The following SPHKAP variants were observed in gnomAD, a reference collection of about 807,000 sequenced individuals.
The protein encoded by SPHKAP is A-kinase anchor protein SPHKAP.
Under a neutral mutation model 137.5 loss-of-function variants are expected in SPHKAP, and 67 were observed. That is an observed-to-expected ratio of 0.49 (90% CI 0.40 to 0.60). The LOEUF is 0.60. Among genes scored for constraint, SPHKAP ranks in the 20% least tolerant of loss-of-function variants. The pLI is 0.00. For synonymous variants in SPHKAP, 813 were observed against 785.3 expected (o/e 1.04, Z -0.59); for missense variants, 2,097 against 2,069.3 (o/e 1.01, Z -0.26).
At chr2:228,129,740 A>G (rs189886166) in intron 2 of SPHKAP, among the ~76,000 whole-genome samples, 2 of 151,548 alleles carry the variant, frequency 1.3e-5, no homozygotes, top group Non-Finnish European at 1.5e-5. Flanking sequence ...ACACAAATAT[A>G]TATATATGCT....
chr2:228,024,352 T>TG (rs1694951600), intron 5 of SPHKAP, among the ~76,000 whole-genome samples: 1 of 125,534 alleles, frequency 8.0e-6, no homozygotes, highest in African/African-American at 3.2e-5. Flanking sequence ...GTTTTTTTTT[T>TG]TTTTTTTTTA....
At chr2:228,009,657 TTG>T in intron 7 of SPHKAP, among the ~76,000 whole-genome samples, 1 of 152,222 alleles carries the variant, frequency 6.6e-6, no homozygotes, top group South Asian at 2.1e-4. Flanking sequence ...CTAGATTTTG[TTG>T]TCTTTTCTTT....
At chr2:228,107,460 C>T (rs1286197737) in intron 3 of SPHKAP, among the ~76,000 whole-genome samples, 29 of 152,278 alleles carry the variant, frequency 1.9e-4, no homozygotes, top group Admixed American at 1.8e-3. Context: ...AGCTGAACCA[C>T]ACTGATACCA....
At chr2:228,062,816 A>C (rs1472540583) in intron 3 of SPHKAP, among the ~76,000 whole-genome samples, 1 of 152,240 alleles carries the variant, frequency 6.6e-6, no homozygotes, top group Non-Finnish European at 1.5e-5. Flanking sequence ...TCAACTGGTG[A>C]TCTTACAAAA....
intron 3 of SPHKAP, among the ~76,000 whole-genome samples, chr2:228,070,432 AC>A (rs1696970097): frequency 1.3e-5 from 2 of 151,870 alleles, no homozygotes; most frequent in Admixed American, 1.3e-4. Context: ...ATTCTGTCTG[AC>A]CTATTCACTT....
intron 1 of SPHKAP, among the ~76,000 whole-genome samples, chr2:228,177,838 A>G (rs960075803): frequency 1.3e-5 from 2 of 152,190 alleles, no homozygotes; most frequent in African/African-American, 4.8e-5. Flanking sequence ...TAGTTTTTTC[A>G]AAAGTTTACA....
chr2:228,002,187 C>T (rs1032647031), intron 7 of SPHKAP, among the ~76,000 whole-genome samples: 5 of 152,164 alleles, frequency 3.3e-5, no homozygotes, highest in African/African-American at 1.2e-4. Flanking sequence ...GTCCCACCAA[C>T]AGTGTAAAAG....
At chr2:228,014,011 G>A (rs1051677568) in intron 7 of SPHKAP, among the ~76,000 whole-genome samples, 20 of 152,186 alleles carry the variant, frequency 1.3e-4, no homozygotes, top group African/African-American at 4.8e-4. Flanking sequence ...GTCATTTGGG[G>A]ACTTTATTCA....
chr2:228,152,376 A>G (rs1469728011), intron 1 of SPHKAP, among the ~76,000 whole-genome samples: 1 of 152,094 alleles, frequency 6.6e-6, no homozygotes, highest in Non-Finnish European at 1.5e-5. Context: ...GTAGGTCTTT[A>G]CCATTATACT....
chr2:228,174,600 G>T (rs1042849346), intron 1 of SPHKAP, among the ~76,000 whole-genome samples: 2 of 152,098 alleles, frequency 1.3e-5, no homozygotes, highest in African/African-American at 4.8e-5. Context: ...CTGACTTCCA[G>T]TTTCCATTTG....
chr2:228,157,274 A>G (rs928150421), intron 1 of SPHKAP, among the ~76,000 whole-genome samples: 11 of 152,218 alleles, frequency 7.2e-5, no homozygotes, highest in Non-Finnish European at 1.5e-4. Flanking sequence ...ATTTTGCCAA[A>G]GTCACACAGT....
chr2:228,116,818 A>G (rs916642420), intron 2 of SPHKAP, among the ~76,000 whole-genome samples: 2 of 152,152 alleles, frequency 1.3e-5, no homozygotes, highest in Non-Finnish European at 2.9e-5. Context: ...ATTTTGCCCA[A>G]TTTAGACATT....
At chr2:228,092,323 G>GCACACACACGTGTATGTGTGTGTATACA (rs1697797621) in intron 3 of SPHKAP, among the ~76,000 whole-genome samples, 1 of 102,234 alleles carries the variant, frequency 9.8e-6, no homozygotes, top group African/African-American at 3.5e-5. Flanking sequence ...GTGTGTATAC[G>GCACACACACGTGTATGTGTGTGTATACA]TACACACACA....
At chr2:228,142,006 A>G (rs1241133192) in intron 1 of SPHKAP, among the ~76,000 whole-genome samples, 1 of 152,188 alleles carries the variant, frequency 6.6e-6, no homozygotes, top group Admixed American at 6.5e-5. Flanking sequence ...GGTTCTGTGG[A>G]GGCCCTGCTT....
intron 3 of SPHKAP, among the ~76,000 whole-genome samples, chr2:228,066,048 G>A (rs998430671): frequency 4.6e-5 from 7 of 152,132 alleles, no homozygotes; most frequent in Admixed American, 4.6e-4. Flanking sequence ...TGGGGGCAGG[G>A]GGCTGTGGTT....
Position 228,019,747 on chromosome 2 carries a change from T to C in SPHKAP, c.1107A>G (p.Gly369=). 6.2e-7 allele frequency: 1 copy of C among 1,614,226 alleles called. No individual in the cohort carries two copies. The highest frequency in any genetic ancestry group is 2.2e-5 in the East Asian group (1 of 44,888). Reference sequence around the variant, plus strand: ...GAGCGTTTCTTGTGTCTTCATGGTCTCCTGGGTTTAGGTTGCTTCTCTGCT... The same window carrying C: ...GAGCGTTTCTTGTGTCTTCATGGTCCCCTGGGTTTAGGTTGCTTCTCTGCT... ...VAEQRSNLNP[G]DHEDTRNALP... Residue 369 remains glycine, a synonymous_variant, in exon 7 of 12, where the codon GGA becomes GGG. Coordinates refer to ENST00000392056, the MANE Select transcript of SPHKAP (RefSeq NM_001142644.2).
chr2:228,051,294 C>T (rs765017391), intron 3 of SPHKAP, among the ~76,000 whole-genome samples: 2 of 152,158 alleles, frequency 1.3e-5, no homozygotes, highest in Non-Finnish European at 2.9e-5. Context: ...AGCAGATTGA[C>T]TTATTGTTCA....
chr2:228,003,796 A>G (rs1472846784), intron 7 of SPHKAP, among the ~76,000 whole-genome samples: 4 of 152,116 alleles, frequency 2.6e-5, no homozygotes, highest in Non-Finnish European at 5.9e-5. Context: ...TTGTCAAAGG[A>G]CTTTTCTGCA....
chr2:228,018,676 A>G lies in SPHKAP; in HGVS notation c.2178T>C (p.His726=), dbSNP rs150102188. The change falls in exon 7 of 12, where the codon CAT becomes CAC. Residue 726 remains histidine, a synonymous_variant. Transcript: ENST00000392056. ...CAGGACATTCACCAAGCCGTACAAT[A>G]TGACTCATCTTCTTGAACGTGAAGC... The part of the protein sequence containing the change: ...VICFTFKKMS[H]IVRLGECPAV... 4,478 of 1,614,196 alleles carry G rather than the reference A, an allele frequency of 2.8e-3. 50 individuals carry two copies. Among genetic ancestry groups the G allele is most frequent in the Middle Eastern group, 0.018 (107 of 6,062 alleles).
Sources: gnomAD v4.1 joint callset for allele counts (sites outside exome capture counted in the v4.1 genomes callset) on GRCh38, gnomAD v4.1.1 for gene constraint, MANE v1.5 for transcripts, NCBI Gene and HGNC (gene_info 2026-07-23, HGNC 2026-07-21) for gene names.